The following TMEM229B variants were observed in gnomAD, a reference collection of about 807,000 sequenced individuals.
TMEM229B encodes transmembrane protein 229B.
A neutral mutation model predicts 13.7 loss-of-function variants in TMEM229B; 6 were observed. The ratio of observed to expected loss-of-function variants is 0.44; its 90% CI spans 0.24 to 0.86. The LOEUF is 0.86. Ranked by LOEUF, TMEM229B falls within the 40% of genes least tolerant of loss-of-function variation. The pLI, the probability that TMEM229B is intolerant of heterozygous loss-of-function variation, is 0.23. For missense variants in TMEM229B, 170 were observed against 236.0 expected (o/e 0.72, Z 1.83); for synonymous variants, 107 against 102.1 (o/e 1.05, Z -0.29).
chr14:67,524,396 G>C (rs1371000505), intron 1 of TMEM229B, among the ~76,000 whole-genome samples: 1 of 152,172 alleles, frequency 6.6e-6, no homozygotes, highest in Non-Finnish European at 1.5e-5. Context: ...CAAAGGTCAG[G>C]TCATGAGGTC....
chr14:67,524,138 T>G (rs1158428795), intron 1 of TMEM229B, among the ~76,000 whole-genome samples: 1 of 152,152 alleles, frequency 6.6e-6, no homozygotes, highest in Non-Finnish European at 1.5e-5. Context: ...GGGCTTTTGA[T>G]ATTTATTTTT....
chr14:67,506,400 C>T (rs2032827729), intron 1 of TMEM229B, among the ~76,000 whole-genome samples: 1 of 152,134 alleles, frequency 6.6e-6, no homozygotes, highest in Admixed American at 6.5e-5. Flanking sequence ...AATTAAGTTG[C>T]TTGATGAGTA....
chr14:67,483,977 C>T (rs985976264), intron 2 of TMEM229B, among the ~76,000 whole-genome samples: 3 of 152,162 alleles, frequency 2.0e-5, no homozygotes, highest in South Asian at 2.1e-4. Flanking sequence ...GCTCAGAAAG[C>T]GAAGGATGCC....
rs2030894612 is a variant in TMEM229B at position 67,473,289 on chromosome 14, C to A, written c.*131G>T. On this transcript the variant is annotated 3_prime_UTR_variant, in exon 3 of 3. Transcript: ENST00000554480. The surrounding 1 kb of genome is among the most constrained non-coding windows in gnomAD (Gnocchi z 6.5). ...CGGCCCCCGCGGACGTTAGGGGGCT[C>A]TGTGTGCCCTATAGGGCTGAGGCTT... The A allele has an allele frequency of 7.7e-7, 1 of 1,301,740 alleles. No individual in the cohort carries two copies. The highest frequency in any genetic ancestry group is 2.3e-5 in the East Asian group (1 of 43,016). The allele number at this position is 1,301,740 out of a possible 1,614,324, so 80.6% of individuals were successfully genotyped here.
chr14:67,498,450 T>G (rs1232764141), intron 1 of TMEM229B, among the ~76,000 whole-genome samples: 2 of 152,252 alleles, frequency 1.3e-5, no homozygotes, highest in Non-Finnish European at 2.9e-5. Context: ...ACTTTCCCTT[T>G]ATTTCTTTCT....
At chr14:67,509,422 G>A (rs990232570) in intron 1 of TMEM229B, among the ~76,000 whole-genome samples, 2 of 151,982 alleles carry the variant, frequency 1.3e-5, no homozygotes, top group East Asian at 1.9e-4. Context: ...AGGTTCAAGC[G>A]ATTCTCCTGC....
At chr14:67,510,251 A>G (rs1222173148) in intron 1 of TMEM229B, among the ~76,000 whole-genome samples, 2 of 152,238 alleles carry the variant, frequency 1.3e-5, no homozygotes, top group East Asian at 3.8e-4. Context: ...CACTGAAGCC[A>G]GCTGAAGCTC....
chr14:67,527,958 T>C (rs1484122744), intron 1 of TMEM229B, among the ~76,000 whole-genome samples: 1 of 152,124 alleles, frequency 6.6e-6, no homozygotes, highest in Non-Finnish European at 1.5e-5. Context: ...AAAGTCCAGT[T>C]GCCCTGTACT....
intron 1 of TMEM229B, among the ~76,000 whole-genome samples, chr14:67,525,351 A>T (rs2033350218): frequency 6.6e-6 from 1 of 152,208 alleles, no homozygotes; most frequent in Non-Finnish European, 1.5e-5. Context: ...AATAAATATA[A>T]TTCTTCATCA....
chr14:67,512,444 AGGTCAGAAATTATCCTT>A (rs1179543567), intron 1 of TMEM229B, among the ~76,000 whole-genome samples: 1 of 152,220 alleles, frequency 6.6e-6, no homozygotes, highest in Non-Finnish European at 1.5e-5. Flanking sequence ...AGGCTTTGCC[AGGTCAGAAATTATCCTT>A]GCCTTAAAAG....
At chr14:67,510,708 G>A (rs1057483700) in intron 1 of TMEM229B, among the ~76,000 whole-genome samples, 6 of 152,274 alleles carry the variant, frequency 3.9e-5, no homozygotes, top group Middle Eastern at 3.4e-3. Context: ...GCTTTGAACA[G>A]GCCTTTTTGA....
rs2030736526 is a variant in TMEM229B, at chr14:67,471,704, C to T, written c.*1716G>A. ...CAGAAAATCCTGCCAAAGGCAGAGT[C>T]TGCAAGCTTTTCTCCAGACCTAGGA... On this transcript the variant is annotated 3_prime_UTR_variant, in exon 3 of 3. Transcript: ENST00000554480. 1 of 152,364 alleles carries T rather than the reference C, an allele frequency of 6.6e-6. No individual in the cohort carries two copies. The highest frequency in any genetic ancestry group is 1.5e-5 in the Non-Finnish European group (1 of 68,148). 9.4% of individuals were successfully genotyped at this position (152,364 alleles called of 1,614,324 possible). A position where few individuals can be genotyped will look rare whatever the true frequency, so the allele number is the denominator to read the frequency against.
upstream of TMEM229B, among the ~76,000 whole-genome samples, chr14:67,489,111 G>A (rs916005662): frequency 6.6e-6 from 1 of 152,318 alleles, no homozygotes. Flanking sequence ...AGCCCTTATA[G>A]CAACTAACAT....
chr14:67,517,723 T>TA (rs2052199087), upstream of TMEM229B, among the ~76,000 whole-genome samples: 1 of 152,194 alleles, frequency 6.6e-6, no homozygotes, highest in African/African-American at 2.4e-5. Context: ...AGTAGTGCCT[T>TA]ACAATTGACA....
intron 1 of TMEM229B, among the ~76,000 whole-genome samples, chr14:67,523,436 G>A (rs1253500136): frequency 2.6e-5 from 4 of 152,224 alleles, no homozygotes; most frequent in Non-Finnish European, 2.9e-5. Context: ...AATGTGCCAT[G>A]CACTGTGCTA....
At chr14:67,517,290 G>A (rs913438848), upstream of TMEM229B, among the ~76,000 whole-genome samples, 2 of 152,214 alleles carry the variant, frequency 1.3e-5, no homozygotes, top group Non-Finnish European at 2.9e-5. Flanking sequence ...CTCTCCCCCA[G>A]GCTCTGGGAG....
At chr14:67,511,518 T>C (rs1009318386) in intron 1 of TMEM229B, among the ~76,000 whole-genome samples, 3 of 152,078 alleles carry the variant, frequency 2.0e-5, no homozygotes. Flanking sequence ...GAAAAAAATA[T>C]TAAACTCCCT....
intron 1 of TMEM229B, among the ~76,000 whole-genome samples, chr14:67,497,851 TC>T (rs1378333869): frequency 6.6e-6 from 1 of 152,082 alleles, no homozygotes; most frequent in Non-Finnish European, 1.5e-5. Flanking sequence ...TGTTACATTC[TC>T]GGTGAGTCTA....
chr14:67,489,989 C>CAAA (rs5809348), upstream of TMEM229B, among the ~76,000 whole-genome samples: 1 of 139,080 alleles, frequency 7.2e-6, no homozygotes. Flanking sequence ...GACTCCGTCT[C>CAAA]AAAAAAAAAA....
Sources: allele counts gnomAD v4.1 joint callset (sites outside exome capture counted in the v4.1 genomes callset), GRCh38; gene constraint gnomAD v4.1.1; non-coding constraint Gnocchi (gnomAD v3.1); transcripts MANE v1.5; gene names NCBI Gene and HGNC (gene_info 2026-07-23, HGNC 2026-07-21).